Variants in RFC1 observed in about 807,000 individuals in gnomAD.
RFC1 encodes the protein A1 140 kDa subunit.
Under a neutral mutation model 137.4 loss-of-function variants are expected in RFC1, and 37 were observed. The observed-to-expected ratio is 0.27, with a 90% CI of 0.21 to 0.35. The LOEUF is 0.35. RFC1 is among the 10% of genes least tolerant of loss of function. The probability of loss-of-function intolerance (pLI) is 1.00; values close to 1 mark genes in which losing one functional copy is unlikely to be tolerated. For synonymous variants in RFC1, 429 were observed against 455.7 expected (o/e 0.94, Z 0.75); for missense variants, 1,205 against 1,358.5 (o/e 0.89, Z 1.78).
At chr4:39,298,313 A>C (rs1738146047) in intron 21 of RFC1, among the ~76,000 whole-genome samples, 2 of 40,558 alleles carry the variant, frequency 4.9e-5, no homozygotes, top group Non-Finnish European at 8.9e-5. Flanking sequence ...GTCTCAAAAA[A>C]AAAAAAAAAA....
At chr4:39,356,395 G>A (rs750137691) in intron 1 of RFC1, among the ~76,000 whole-genome samples, 12 of 152,224 alleles carry the variant, frequency 7.9e-5, no homozygotes, top group East Asian at 3.9e-4. Context: ...GCAAAACTCC[G>A]TCTTAAAAAC....
At chr4:39,349,047 G>A (rs1461014724) in intron 2 of RFC1, among the ~76,000 whole-genome samples, 2 of 110,826 alleles carry the variant, frequency 1.8e-5, no homozygotes, top group African/African-American at 3.4e-5. Context: ...TTCCTTATCT[G>A]GTTTCACAGG....
chr4:39,341,001 C>T (rs995747911), intron 4 of RFC1, among the ~76,000 whole-genome samples: 3 of 152,126 alleles, frequency 2.0e-5, no homozygotes, highest in Non-Finnish European at 4.4e-5. Flanking sequence ...CTTCACAAAA[C>T]AACATTCAAA....
chr4:39,310,939 C>T (rs940312777), intron 12 of RFC1, among the ~76,000 whole-genome samples: 8 of 152,018 alleles, frequency 5.3e-5, no homozygotes, highest in Non-Finnish European at 1.2e-4. Context: ...GTCAGGAGTT[C>T]AAGGCCAGCC....
chr4:39,313,383 T>C (rs972000491), intron 10 of RFC1, among the ~76,000 whole-genome samples: 2 of 152,236 alleles, frequency 1.3e-5, no homozygotes, highest in African/African-American at 4.8e-5. Flanking sequence ...CATTTTGATG[T>C]TTCTGTTAAT....
intron 2 of RFC1, among the ~76,000 whole-genome samples, chr4:39,349,424 G>C (rs1348842608): frequency 1.3e-5 from 2 of 152,128 alleles, no homozygotes; most frequent in Admixed American, 6.6e-5. Flanking sequence ...ACAGACACCA[G>C]AGTGCTCATT....
intron 3 of RFC1, among the ~76,000 whole-genome samples, chr4:39,344,607 T>C (rs1740758889): frequency 6.6e-6 from 1 of 152,116 alleles, no homozygotes; most frequent in African/African-American, 2.4e-5. Context: ...ACTAAAATTA[T>C]AAAATTTCAT....
intron 3 of RFC1, among the ~76,000 whole-genome samples, chr4:39,344,159 G>A (rs1234760138): frequency 1.3e-5 from 2 of 151,320 alleles, no homozygotes; most frequent in African/African-American, 4.9e-5. Context: ...AACAGAAAGA[G>A]AGAATTAATA....
chr4:39,299,046 G>A (rs1738193265), intron 21 of RFC1, among the ~76,000 whole-genome samples: 1 of 152,292 alleles, frequency 6.6e-6, no homozygotes, highest in African/African-American at 2.4e-5. Context: ...TTACGGGAAT[G>A]AGGGCAAGGA....
intron 4 of RFC1, among the ~76,000 whole-genome samples, chr4:39,334,338 A>G (rs552479952): frequency 1.3e-5 from 2 of 152,278 alleles, no homozygotes; most frequent in South Asian, 2.1e-4. Context: ...TTTCTCTACT[A>G]TGACTTCTGA....
intron 2 of RFC1, among the ~76,000 whole-genome samples, chr4:39,348,169 T>C (rs959767234): frequency 6.6e-6 from 1 of 152,032 alleles, no homozygotes; most frequent in Non-Finnish European, 1.5e-5. Context: ...GGCTCACGCC[T>C]GTAATCCCAG....
At chr4:39,344,660 G>A (rs764916619) in intron 3 of RFC1, among the ~76,000 whole-genome samples, 9 of 152,100 alleles carry the variant, frequency 5.9e-5, no homozygotes, top group Admixed American at 1.3e-4. Context: ...GGTGCTGCAC[G>A]CCTGTGGTTC....
intron 2 of RFC1, among the ~76,000 whole-genome samples, chr4:39,345,765 A>G (rs1302412271): frequency 3.9e-5 from 6 of 152,062 alleles, no homozygotes; most frequent in African/African-American, 1.2e-4. Flanking sequence ...ACCAGGGGGA[A>G]TTTTGCATCC....
Position 39,347,929 on chromosome 4 carries a change from A to G in RFC1, c.133-2453T>C, listed in dbSNP as rs544307495. 5.3e-5 allele frequency among the ~76,000 whole-genome samples: 8 copies of G among 152,312 alleles called. No individual in the cohort carries two copies. In the South Asian group the frequency reaches 1.0e-3, roughly 20 times the overall value. On this transcript the variant is annotated intron_variant, in intron 2 of 24. Coordinates refer to ENST00000349703, the MANE Select transcript of RFC1 (RefSeq NM_002913.5). ...GTTGTGTCCTAGTGCTTTGTGAAAG[A>G]TGGAACCTGTGAATGATGAAATCAG...
At chr4:39,325,951 T>G (rs1455889832) in intron 6 of RFC1, among the ~76,000 whole-genome samples, 2 of 152,068 alleles carry the variant, frequency 1.3e-5, no homozygotes, top group Admixed American at 6.5e-5. Context: ...TGGGGCTGGG[T>G]GTGGTGGCTC....
chr4:39,294,031 T>C (rs1737840264), intron 22 of RFC1, among the ~76,000 whole-genome samples: 1 of 152,212 alleles, frequency 6.6e-6, no homozygotes. Context: ...ATGAAGACCC[T>C]TGTGATAACT....
intron 4 of RFC1, among the ~76,000 whole-genome samples, 162 bp downstream of exon 4, chr4:39,342,183 G>T (rs773827605): frequency 1.2e-4 from 18 of 152,112 alleles, no homozygotes; most frequent in Admixed American, 2.0e-4. Flanking sequence ...TAATCTACTG[G>T]AAATGCAAAA....
chr4:39,326,181 C>T (rs1269685034), intron 6 of RFC1, among the ~76,000 whole-genome samples: 1 of 152,148 alleles, frequency 6.6e-6, no homozygotes, highest in African/African-American at 2.4e-5. Flanking sequence ...GCCTGGGCAA[C>T]AAAGCGAGAC....
intron 1 of RFC1, among the ~76,000 whole-genome samples, chr4:39,364,343 T>A (rs1578182670): frequency 6.6e-6 from 1 of 152,058 alleles, no homozygotes; most frequent in South Asian, 2.1e-4. Context: ...AATTTTAGTC[T>A]AGGGTTTTGC....
Sources: gnomAD v4.1 joint callset for allele counts (sites outside exome capture counted in the v4.1 genomes callset) on GRCh38, gnomAD v4.1.1 for gene constraint, MANE v1.5 for transcripts, NCBI Gene and HGNC (gene_info 2026-07-23, HGNC 2026-07-21) for gene names.